The following ABCC6 variants were observed in gnomAD, a reference collection of about 807,000 sequenced individuals.
ABCC6 encodes ATP-binding cassette sub-family C member 6.
In ABCC6, 126 loss-of-function variants were observed where a neutral mutation model predicts 169.5. The observed-to-expected ratio is 0.74, with a 90% CI of 0.64 to 0.86. The LOEUF (loss-of-function observed/expected upper bound fraction) is 0.86. ABCC6 is among the 40% of genes least tolerant of loss of function. The pLI is 0.00. For synonymous variants in ABCC6, 752 were observed against 814.7 expected (o/e 0.92, Z 1.31); for missense variants, 1,733 against 1,927.2 (o/e 0.90, Z 1.89).
At position 16,165,823 on chromosome 16, in the gene ABCC6, A is replaced by G. The variant is rs761996195; in HGVS notation, c.3106T>C (p.Phe1036Leu). The G allele has an allele frequency of 6.2e-7, 1 of 1,613,556 alleles. No homozygotes were observed. The highest frequency in any genetic ancestry group is 8.5e-7 in the Non-Finnish European group (1 of 1,180,038). ...WDVVRSPISF[F>L]ERTPIGHLLN... is the part of the protein sequence containing the mutation. ...AGGTGACCAATGGGTGTCCGCTCAA[A>G]GAAGCTGATGGGAGATCGCACCACA... Residue 1036 changes from phenylalanine to leucine, a missense_variant, in exon 23 of 31, where the codon TTT becomes CTT. Phe to Leu is a conservative substitution (Grantham distance 22). Transcript: ENST00000205557.
At chr16:16,203,379 C>G (rs1225024082) in intron 8 of ABCC6, 31 bp downstream of exon 8, 1 of 1,613,740 alleles carries the variant, frequency 6.2e-7, no homozygotes, top group East Asian at 2.2e-5. Context: ...GACCACCCAC[C>G]TTAGCAGGGC....
At chr16:16,182,626 G>A in intron 16 of ABCC6, 38 bp from the exon 17 acceptor site, 1 of 1,606,656 alleles carries the variant, frequency 6.2e-7, no homozygotes, top group African/African-American at 1.3e-5. Flanking sequence ...GAGGATGATG[G>A]GGACAGAGGT....
chr16:16,194,306 G>C (rs1261920077), intron 10 of ABCC6, among the ~76,000 whole-genome samples: 1 of 152,226 alleles, frequency 6.6e-6, no homozygotes, highest in African/African-American at 2.4e-5. Flanking sequence ...TCATCATACA[G>C]AATGCCCAGT....
chr16:16,183,287 G>GCA (rs1332947484), intron 15 of ABCC6, among the ~76,000 whole-genome samples: 1 of 151,894 alleles, frequency 6.6e-6, no homozygotes, highest in Non-Finnish European at 1.5e-5. Context: ...TGCACACCAC[G>GCA]CACACACACA....
chr16:16,201,114 A>C (rs1001511003), intron 9 of ABCC6, among the ~76,000 whole-genome samples: 5 of 152,248 alleles, frequency 3.3e-5, no homozygotes, highest in East Asian at 1.9e-4. Flanking sequence ...TTACAGGCAC[A>C]TGCCACCATG....
chr16:16,194,234 T>C (rs748216522), intron 10 of ABCC6, among the ~76,000 whole-genome samples: 3 of 152,374 alleles, frequency 2.0e-5, no homozygotes, highest in African/African-American at 2.4e-5. Flanking sequence ...TTTCTCTTAT[T>C]GCGTTTAATT....
chr16:16,182,973 G>A (rs1163719729), intron 15 of ABCC6, 43 bp from the exon 16 acceptor site: 3 of 1,614,114 alleles, frequency 1.9e-6, no homozygotes, highest in African/African-American at 2.7e-5. Flanking sequence ...TTAGGGTTCA[G>A]CCCGCCTCTG....
chr16:16,184,924 A>T, intron 15 of ABCC6, 35 bp downstream of exon 15: 1 of 1,592,190 alleles, frequency 6.3e-7, no homozygotes, highest in Non-Finnish European at 8.6e-7. Flanking sequence ...CTCCCTAAAA[A>T]CATGAGGCTG....
chr16:16,172,499 G>A (rs1374684314), intron 21 of ABCC6, among the ~76,000 whole-genome samples: 3 of 148,904 alleles, frequency 2.0e-5, no homozygotes, highest in Non-Finnish European at 4.4e-5. Flanking sequence ...AAATGGGTGG[G>A]TGGGATGGAT....
At chr16:16,162,907 C>T in intron 24 of ABCC6, 86 bp downstream of exon 24, 1 of 1,565,982 alleles carries the variant, frequency 6.4e-7, no homozygotes, top group Non-Finnish European at 8.8e-7. Context: ...TCTGGGTGAC[C>T]TCTCTACCAT....
chr16:16,172,336 C>A (rs62639722), intron 21 of ABCC6, among the ~76,000 whole-genome samples: 51 of 64 alleles, frequency 0.8, 22 homozygotes, highest in African/African-American at 0.82. Flanking sequence ...GGTGGGATGG[C>A]TAAATGGGTG....
chr16:16,192,078 C>T (rs879368743), intron 11 of ABCC6, among the ~76,000 whole-genome samples: 2 of 152,108 alleles, frequency 1.3e-5, no homozygotes, highest in Non-Finnish European at 2.9e-5. Flanking sequence ...GAGGGATGGA[C>T]GTGCCATTTC....
chr16:16,160,089 G>A lies in ABCC6; in HGVS notation c.3634-506C>T, dbSNP rs212655. Among the ~76,000 whole-genome samples, 90 of 152,046 alleles carry A rather than the reference G, an allele frequency of 5.9e-4. No homozygotes were observed. The East Asian group carries it at 9.5e-3, about 16-fold the overall frequency. On this transcript the variant is annotated intron_variant, in intron 25 of 30. Transcript: ENST00000205557. The stretch of plus-strand genomic sequence containing the variant: ...TCACCCACCCTCTCCAGCCACACCC[G>A]TCTTCTTGCTGTTCCTCTAACACAC...
rs572911630 is a variant in ABCC6 at position 16,221,787 on chromosome 16, C to G, written c.81G>C (p.Leu27=). 2 of 1,613,710 alleles carry G rather than the reference C, an allele frequency of 1.2e-6. No individual in the cohort carries two copies. The highest frequency in any genetic ancestry group is 1.3e-5 in the African/African-American group (1 of 75,030). Reference sequence around the variant, plus strand: ...CTGCTGTTCTCAGGAAGCACAGGCTCAGCAGGCTGGTGGCGGCAGGTTCAG... The same window carrying G: ...CTGCTGTTCTCAGGAAGCACAGGCTGAGCAGGCTGGTGGCGGCAGGTTCAG... ...TEPEPAATSL[L]SLCFLRTAGV... is the part of the protein sequence containing the mutation. The change falls in exon 2 of 31, where the codon CTG becomes CTC. Residue 27 remains leucine (L), a synonymous_variant. Coordinates refer to ENST00000205557, the MANE Select transcript of ABCC6 (RefSeq NM_001171.6).
intron 26 of ABCC6, among the ~76,000 whole-genome samples, chr16:16,159,149 T>G (rs2046635062): frequency 6.6e-6 from 1 of 152,228 alleles, no homozygotes; most frequent in Non-Finnish European, 1.5e-5. Flanking sequence ...TTCTGGAATA[T>G]TGCCATTGTG....
intron 22 of ABCC6, 33 bp from the exon 23 acceptor site, chr16:16,165,966 C>T: frequency 6.2e-7 from 1 of 1,605,064 alleles, no homozygotes; most frequent in South Asian, 1.1e-5. Flanking sequence ...AGCATGAGGG[C>T]TGGAGACCCT....
At chr16:16,152,283 T>A (rs1310582714) in intron 29 of ABCC6, among the ~76,000 whole-genome samples, 1 of 145,746 alleles carries the variant, frequency 6.9e-6, no homozygotes, top group East Asian at 2.1e-4. Flanking sequence ...GTGGAGGAGT[T>A]GAGATTCCAG....
At chr16:16,203,035 C>A (rs984488363) in intron 8 of ABCC6, among the ~76,000 whole-genome samples, 1 of 152,214 alleles carries the variant, frequency 6.6e-6, no homozygotes, top group Non-Finnish European at 1.5e-5. Context: ...GTCTCAGATA[C>A]ACAACTGCAG....
chr16:16,206,050 G>C (rs1341030930), intron 7 of ABCC6, among the ~76,000 whole-genome samples: 1 of 152,194 alleles, frequency 6.6e-6, no homozygotes, highest in Non-Finnish European at 1.5e-5. Context: ...ATGGGGTCGG[G>C]GAAGAGTTCA....
Sources: allele counts gnomAD v4.1 joint callset (sites outside exome capture counted in the v4.1 genomes callset), GRCh38; gene constraint gnomAD v4.1.1; transcripts MANE v1.5; gene names NCBI Gene and HGNC (gene_info 2026-07-23, HGNC 2026-07-21).